Variants in ZNF730 observed in about 807,000 individuals in gnomAD.
The protein encoded by ZNF730 is putative zinc finger protein 730.
In ZNF730, 12 loss-of-function variants were observed where a neutral mutation model predicts 12.6. That is an observed-to-expected ratio of 0.95 (90% confidence interval 0.61 to 1.54). The LOEUF (loss-of-function observed/expected upper bound fraction) is 1.54, where lower values mean the gene tolerates loss of function less well. Ranked by LOEUF, ZNF730 falls within the 40% of genes most tolerant of loss-of-function variation. The pLI is 0.00. For missense variants in ZNF730, 643 were observed against 583.5 expected (o/e 1.10, Z -1.05); for synonymous variants, 194 against 195.8 (o/e 0.99, Z 0.08).
At chr19:23,077,660 T>C (rs1008491671) in intron 1 of ZNF730, among the ~76,000 whole-genome samples, 5 of 151,992 alleles carry the variant, frequency 3.3e-5, no homozygotes, top group African/African-American at 4.8e-5. Context: ...CAGGCTGGTC[T>C]TGAACTCCTG....
At chr19:23,128,312 A>G in intron 1 of ZNF730, 1 of 639,854 alleles carries the variant, frequency 1.6e-6, no homozygotes. Context: ...ATGAAGGATG[A>G]TGAAGATGGT....
At chr19:23,137,413 T>C (rs1041267654) in intron 3 of ZNF730, among the ~76,000 whole-genome samples, 18 of 152,304 alleles carry the variant, frequency 1.2e-4, no homozygotes, top group Non-Finnish European at 2.5e-4. Flanking sequence ...CCATAACGTA[T>C]AGTTGTATGT....
Position 23,146,262 on chromosome 19 carries a change from C to T in ZNF730, c.1218C>T (p.Ser406=), listed in dbSNP as rs201584484. 2.2e-4 allele frequency: 359 copies of T among 1,613,400 alleles called. No homozygotes were observed. Among genetic ancestry groups the T allele is most frequent in the Non-Finnish European group, 3.0e-4 (351 of 1,179,778 alleles). The change falls in exon 4 of 4, where the codon AGC becomes AGT. Residue 406 remains serine, a synonymous_variant. Transcript: ENST00000597761. ...GTGAAGAATGTGGCAAAGCCTTTAG[C>T]CGTATCTCACACCTTACTACACATA... ...YKCEECGKAF[S]RISHLTTHKR...
intron 1 of ZNF730, among the ~76,000 whole-genome samples, chr19:23,099,011 C>T (rs180957498): frequency 9.9e-5 from 15 of 152,218 alleles, no homozygotes; most frequent in Admixed American, 8.5e-4. Flanking sequence ...CAGAGAGTGT[C>T]GTCATAGGAA....
intron 1 of ZNF730, among the ~76,000 whole-genome samples, chr19:23,107,711 A>T (rs767996743): frequency 6.6e-6 from 1 of 152,210 alleles, no homozygotes; most frequent in Non-Finnish European, 1.5e-5. Flanking sequence ...TACATAGTAC[A>T]TATTTGCACA....
At chr19:23,114,117 G>A (rs1418758363), upstream of ZNF730, among the ~76,000 whole-genome samples, 2 of 152,132 alleles carry the variant, frequency 1.3e-5, no homozygotes, top group South Asian at 2.1e-4. Flanking sequence ...AGCTGTTCCT[G>A]TATTTCACTT....
chr19:23,102,007 G>A (rs1016645328), intron 1 of ZNF730, among the ~76,000 whole-genome samples: 3 of 152,190 alleles, frequency 2.0e-5, no homozygotes, highest in African/African-American at 7.2e-5. Flanking sequence ...TATTTTGCAT[G>A]TTAGGACATA....
intron 1 of ZNF730, among the ~76,000 whole-genome samples, chr19:23,104,955 G>GAC (rs547333753): frequency 9.5e-4 from 145 of 152,220 alleles, no homozygotes; most frequent in African/African-American, 3.5e-3. Context: ...GCTGTGCTCA[G>GAC]CTTTAGAAGG....
intron 1 of ZNF730, among the ~76,000 whole-genome samples, chr19:23,107,318 G>GT (rs922739536): frequency 6.6e-6 from 1 of 151,196 alleles, no homozygotes. Context: ...ACCTTCCAAA[G>GT]TGCTGGGATT....
At chr19:23,144,716 ATT>A (rs1970978749) in intron 3 of ZNF730, among the ~76,000 whole-genome samples, 3 of 151,098 alleles carry the variant, frequency 2.0e-5, no homozygotes, top group African/African-American at 7.3e-5. Flanking sequence ...AAAAAAAAAA[ATT>A]AGTAATCACT....
chr19:23,110,330 G>A (rs1970447709), intron 1 of ZNF730, among the ~76,000 whole-genome samples: 1 of 138,018 alleles, frequency 7.2e-6, no homozygotes, highest in Non-Finnish European at 1.5e-5. Flanking sequence ...AGGCTAGGGT[G>A]CAGTGGTGTG....
intron 1 of ZNF730, among the ~76,000 whole-genome samples, chr19:23,082,185 TA>T (rs1214058524): frequency 6.6e-6 from 1 of 152,202 alleles, no homozygotes; most frequent in Non-Finnish European, 1.5e-5. Context: ...CCTCCCACTT[TA>T]GTCTCTGGTG....
intron 3 of ZNF730, among the ~76,000 whole-genome samples, chr19:23,140,867 G>A (rs1021829304): frequency 5.3e-5 from 8 of 151,630 alleles, no homozygotes; most frequent in South Asian, 2.1e-4. Flanking sequence ...CAGGAGAATC[G>A]CTTCAACCCA....
chr19:23,146,776 A>G lies in ZNF730; in HGVS notation c.*220A>G, dbSNP rs929033040. 18 of 1,037,624 alleles carry G rather than the reference A, an allele frequency of 1.7e-5. No individual in the cohort carries two copies. Among genetic ancestry groups the G allele is most frequent in the Non-Finnish European group, 2.6e-5 (17 of 657,962 alleles). The allele number at this position is 1,037,624 out of a possible 1,614,324, so 64.3% of individuals were successfully genotyped here. A position where few individuals can be genotyped will look rare whatever the true frequency, so the allele number is the denominator to read the frequency against. ...AACCAATCTTCACACCTTACTACAC[A>G]TAAGATAATTCATACTGGAGAGAAA... On this transcript the variant is annotated 3_prime_UTR_variant, in exon 4 of 4. Coordinates refer to ENST00000597761, the MANE Select transcript of ZNF730 (RefSeq NM_001277403.2).
Position 23,146,693 on chromosome 19 carries a change from A to G in ZNF730, c.*137A>G. ...AACCAGTCCTCAAATCTTACTAAAC[A>G]TAAGGTAATTCATACTGGAGAAAAA... On this transcript the variant is annotated 3_prime_UTR_variant, in exon 4 of 4. Coordinates refer to ENST00000597761, the MANE Select transcript of ZNF730 (RefSeq NM_001277403.2). The G allele has an allele frequency of 2.1e-6, 3 of 1,461,426 alleles. No individual in the cohort carries two copies. The highest frequency in any genetic ancestry group is 2.9e-6 in the Non-Finnish European group (3 of 1,043,918). The allele number at this position is 1,461,426 out of a possible 1,614,324, so 90.5% of individuals were successfully genotyped here.
At chr19:23,124,689 C>T (rs1419007095) in intron 1 of ZNF730, among the ~76,000 whole-genome samples, 1 of 152,210 alleles carries the variant, frequency 6.6e-6, no homozygotes, top group Non-Finnish European at 1.5e-5. Context: ...TTGTTCCTCC[C>T]TCATACAAGA....
At chr19:23,139,187 AT>A (rs1384688561) in intron 3 of ZNF730, among the ~76,000 whole-genome samples, 1 of 152,154 alleles carries the variant, frequency 6.6e-6, no homozygotes, top group East Asian at 1.9e-4. Context: ...ATTCTCAAAT[AT>A]TTGGTTTATA....
intron 1 of ZNF730, chr19:23,127,192 C>A: frequency 1.7e-6 from 1 of 572,542 alleles, no homozygotes; most frequent in South Asian, 1.5e-5. Context: ...ATCCTTTACT[C>A]CGGAAATAAT....
intron 1 of ZNF730, among the ~76,000 whole-genome samples, chr19:23,104,234 G>A (rs1275640318): frequency 2.6e-5 from 4 of 151,078 alleles, no homozygotes; most frequent in East Asian, 2.0e-4. Flanking sequence ...CCTGGGAGGC[G>A]GAGGTTGCAG....
Sources: allele counts gnomAD v4.1 joint callset (sites outside exome capture counted in the v4.1 genomes callset), GRCh38; gene constraint gnomAD v4.1.1; transcripts MANE v1.5; gene names NCBI Gene and HGNC (gene_info 2026-07-23, HGNC 2026-07-21).